The following DDX1 variants were observed in gnomAD, a reference collection of about 807,000 sequenced individuals.
DDX1 encodes the protein ATP-dependent RNA helicase DDX1.
Under a neutral mutation model 108.7 loss-of-function variants are expected in DDX1, and 28 were observed. That is an observed-to-expected ratio of 0.26 (90% CI 0.19 to 0.35). The LOEUF is 0.35. Among genes scored for constraint, DDX1 ranks in the 10% least tolerant of loss-of-function variants. DDX1 has a pLI of 1.00. For missense variants in DDX1, 710 were observed against 884.5 expected, an observed-to-expected ratio of 0.80 and a Z score of 2.50; for synonymous variants, 295 against 288.9, an observed-to-expected ratio of 1.02 and a Z score of -0.21.
chr2:15,630,662 G>A, intron 25 of DDX1, 114 bp from the exon 26 acceptor site: 1 of 1,073,516 alleles, frequency 9.3e-7, no homozygotes, highest in Non-Finnish European at 1.4e-6. Context: ...TTGCCCAGTA[G>A]TACATTTTAT....
At chr2:15,599,113 G>T (rs986072720) in intron 5 of DDX1, 2 of 152,080 alleles carry the variant, frequency 1.3e-5, no homozygotes, top group Non-Finnish European at 2.9e-5. Flanking sequence ...GAGGAGAAAA[G>T]GTTTTAGGTC....
At chr2:15,613,624 T>A (rs1355645690) in intron 14 of DDX1, among the ~76,000 whole-genome samples, 1 of 151,940 alleles carries the variant, frequency 6.6e-6, no homozygotes, top group Admixed American at 6.6e-5. Context: ...AAAGTAGAGG[T>A]AAAATAGATT....
Position 15,606,277 on chromosome 2 carries a change from C to T in DDX1, c.817+13C>T, listed in dbSNP as rs1244317761. 1 of 1,552,776 alleles carries T rather than the reference C, an allele frequency of 6.4e-7. No homozygotes were observed. Among genetic ancestry groups the T allele is most frequent in the Non-Finnish European group, 8.9e-7 (1 of 1,126,256 alleles). On this transcript the variant is annotated intron_variant, in intron 12 of 25. Transcript: ENST00000233084. ...TCACAGCACTCAGGTATTATACCTG[C>T]AAGGGTAAGGATTTCTAGAATAGTG...
chr2:15,620,090 G>T, intron 16 of DDX1, 118 bp from the exon 17 acceptor site: 1 of 881,994 alleles, frequency 1.1e-6, no homozygotes, highest in Non-Finnish European at 1.8e-6. Flanking sequence ...ATAGAGTAAG[G>T]TGTTGAACTT....
intron 13 of DDX1, among the ~76,000 whole-genome samples, chr2:15,612,546 C>T (rs1665793015): frequency 2.0e-5 from 3 of 151,298 alleles, no homozygotes; most frequent in Admixed American, 6.6e-5. Flanking sequence ...CAGAGGGGCT[C>T]CTCACGTCCC....
At chr2:15,602,732 G>C (rs778981294) in intron 7 of DDX1, 101 bp downstream of exon 7, 5 of 902,714 alleles carry the variant, frequency 5.5e-6, no homozygotes, top group Non-Finnish European at 8.7e-6. Flanking sequence ...ATGGAGTCTC[G>C]CACGTCGCCC....
At chr2:15,609,891 TTG>T (rs1233527726) in intron 13 of DDX1, among the ~76,000 whole-genome samples, 1 of 152,166 alleles carries the variant, frequency 6.6e-6, no homozygotes, top group Non-Finnish European at 1.5e-5. Context: ...CTTTTTTTAT[TTG>T]TTTGTTTTTT....
intron 5 of DDX1, 60 bp from the exon 6 acceptor site, chr2:15,599,609 G>A (rs192824445): frequency 1.7e-5 from 23 of 1,373,436 alleles, no homozygotes; most frequent in Middle Eastern, 1.9e-4. Context: ...CACCGCACCC[G>A]GCCAAGCATT....
chr2:15,623,707 T>G, intron 19 of DDX1, 125 bp downstream of exon 19: 1 of 749,594 alleles, frequency 1.3e-6, no homozygotes, highest in Non-Finnish European at 2.2e-6. Flanking sequence ...ATTTTAAGTA[T>G]CTATGCTTAT....
At chr2:15,611,693 ACCC>A in intron 13 of DDX1, among the ~76,000 whole-genome samples, 1 of 75,192 alleles carries the variant, frequency 1.3e-5, no homozygotes, top group Admixed American at 1.4e-4. Flanking sequence ...CGGGGGGCTG[ACCC>A]CCCCACCTCC....
In DDX1 at chr2:15,629,663, A is replaced by G. The variant is rs139597816; in HGVS notation, c.1937A>G (p.Asp646Gly). 15 of 1,589,674 alleles carry G rather than the reference A, an allele frequency of 9.4e-6. 1 individual carries two copies. The highest frequency in any genetic ancestry group is 2.4e-5 in the South Asian group (2 of 84,978). Residue 646 changes from aspartate (D) to glycine (G), a missense_variant, in exon 24 of 26, where the codon GAT (aspartate) becomes GGT (glycine). Around this residue, in one of 3 missense-constraint regions of DDX1, gnomAD observed 661 missense variants for 810.2 expected, o/e 0.82. Transcript: ENST00000233084. ...KGCYNTRLKE[D>G]GGCTIWYNEM... ...TGTTATAACACAAGACTCAAGGAAG[A>G]TGGAGGCTGTACCATATGGTACAAC... is the stretch of plus-strand genomic sequence containing the variant.
chr2:15,611,770 G>T (rs1282868737), intron 13 of DDX1, among the ~76,000 whole-genome samples: 1 of 103,484 alleles, frequency 9.7e-6, no homozygotes, highest in African/African-American at 4.4e-5. Context: ...CGGACGGGGT[G>T]GCTGGCCGGG....
chr2:15,621,997 G>A (rs7589889), intron 18 of DDX1, among the ~76,000 whole-genome samples: 3,117 of 152,266 alleles, frequency 0.02, 97 homozygotes, highest in African/African-American at 0.066. Flanking sequence ...GGAAAACAGC[G>A]AATTTTTCTA....
intron 14 of DDX1, among the ~76,000 whole-genome samples, chr2:15,616,284 A>G (rs966404984): frequency 1.3e-5 from 2 of 152,206 alleles, no homozygotes; most frequent in African/African-American, 4.8e-5. Flanking sequence ...TGTACTAAAA[A>G]CATAACATGT....
chr2:15,604,154 T>C (rs889334487), intron 9 of DDX1, among the ~76,000 whole-genome samples: 1 of 152,220 alleles, frequency 6.6e-6, no homozygotes, highest in Non-Finnish European at 1.5e-5. Flanking sequence ...CTCATTTTGA[T>C]TTTGGCTTTG....
chr2:15,599,572 C>A, intron 5 of DDX1, 97 bp from the exon 6 acceptor site: 1 of 870,860 alleles, frequency 1.1e-6, no homozygotes, highest in South Asian at 1.9e-5. Context: ...GTCAGCTTCC[C>A]AAAGTGCTGA....
At chr2:15,626,795 T>C (rs950504582) in intron 19 of DDX1, among the ~76,000 whole-genome samples, 2 of 152,136 alleles carry the variant, frequency 1.3e-5, no homozygotes, top group Non-Finnish European at 2.9e-5. Flanking sequence ...GGTACACTGC[T>C]TGATCCACTC....
At chr2:15,623,155 A>G (rs1055026240) in intron 18 of DDX1, among the ~76,000 whole-genome samples, 1 of 152,110 alleles carries the variant, frequency 6.6e-6, no homozygotes, top group Non-Finnish European at 1.5e-5. Context: ...GTACGTGTGT[A>G]TGTGTGTGTT....
chr2:15,613,663 A>C (rs1019562261), intron 14 of DDX1, among the ~76,000 whole-genome samples: 1 of 152,044 alleles, frequency 6.6e-6, no homozygotes, highest in Non-Finnish European at 1.5e-5. Context: ...TCCTGCAGTG[A>C]CTCTTGGGAA....
Sources: allele counts gnomAD v4.1 joint callset (sites outside exome capture counted in the v4.1 genomes callset), GRCh38; gene constraint gnomAD v4.1.1; regional missense constraint gnomAD v4.1.1; transcripts MANE v1.5; gene names NCBI Gene and HGNC (gene_info 2026-07-23, HGNC 2026-07-21).